ABCB5: variants seen among roughly 807,000 people sequenced by gnomAD.
ABCB5 encodes ATP binding cassette subfamily B member 5, also known as ATP-binding cassette sub-family B member 5.
ABCB5 carries 155 observed loss-of-function variants against 144.2 expected under a neutral mutation model. The observed-to-expected ratio is 1.08, with a 90% CI of 0.94 to 1.23. ABCB5 has a LOEUF of 1.23. Among genes scored for constraint, ABCB5 ranks in the 50% most tolerant of loss-of-function variants. The pLI is 0.00. For synonymous variants in ABCB5, 610 were observed against 528.6 expected (o/e 1.15, Z -2.11); for missense variants, 1,830 against 1,520.8 (o/e 1.20, Z -3.38).
At chr7:20,687,254 C>A (rs755033488) in intron 16 of ABCB5, among the ~76,000 whole-genome samples, 6 of 152,060 alleles carry the variant, frequency 3.9e-5, no homozygotes, top group Non-Finnish European at 7.4e-5. Context: ...TAAAAATTCA[C>A]CGTATTTATG....
chr7:20,647,785 T>C, intron 10 of ABCB5, 137 bp downstream of exon 10: 1 of 1,353,440 alleles, frequency 7.4e-7, no homozygotes. Flanking sequence ...AAAGAGAGAC[T>C]GCCTTTAATT....
At chr7:20,668,563 C>G (rs1230339990) in intron 14 of ABCB5, among the ~76,000 whole-genome samples, 5 of 150,308 alleles carry the variant, frequency 3.3e-5, no homozygotes, top group African/African-American at 1.2e-4. Context: ...CGTCTCCGCC[C>G]GGCAGCCACC....
chr7:20,752,600 A>G (rs147598372), intron 26 of ABCB5, among the ~76,000 whole-genome samples: 67 of 152,258 alleles, frequency 4.4e-4, no homozygotes, highest in African/African-American at 1.5e-3. Context: ...TGCAATCCCA[A>G]CACTTTGGGA....
intron 7 of ABCB5, among the ~76,000 whole-genome samples, chr7:20,644,449 C>A (rs908279157): frequency 2.0e-5 from 3 of 152,124 alleles, no homozygotes; most frequent in African/African-American, 7.2e-5. Flanking sequence ...TTATGTACTA[C>A]ACAAATATGT....
At chr7:20,646,663 T>C (rs538348441) in intron 9 of ABCB5, among the ~76,000 whole-genome samples, 14 of 152,350 alleles carry the variant, frequency 9.2e-5, no homozygotes, top group African/African-American at 1.7e-4. Context: ...ATGTGTTAAA[T>C]AATAATTTAT....
chr7:20,755,649 G>T lies in ABCB5; in HGVS notation c.*25G>T. The T allele has an allele frequency of 6.2e-7, 1 of 1,608,028 alleles. No individual in the cohort carries two copies. Among genetic ancestry groups the T allele is most frequent in the Non-Finnish European group, 8.5e-7 (1 of 1,175,438 alleles). Reference sequence around the variant, plus strand: ...ATGCTGTTGAGGTAGCACATATTTTGATGTTCGTGTAATGCAAAGAAGGAG... The same window carrying T: ...ATGCTGTTGAGGTAGCACATATTTTTATGTTCGTGTAATGCAAAGAAGGAG... On this transcript the variant is annotated 3_prime_UTR_variant, in exon 28 of 28. Transcript: ENST00000404938.
intron 20 of ABCB5, among the ~76,000 whole-genome samples, chr7:20,711,755 A>AGCCT (rs1456011518): frequency 7.6e-6 from 1 of 132,366 alleles, no homozygotes; most frequent in East Asian, 2.5e-4. Flanking sequence ...CACCCAGCCC[A>AGCCT]GCCTGCCTGC....
chr7:20,746,941 C>T (rs539252731), intron 26 of ABCB5, among the ~76,000 whole-genome samples: 1 of 152,062 alleles, frequency 6.6e-6, no homozygotes, highest in East Asian at 1.9e-4. Context: ...AATCTAGAGC[C>T]CTGTTCTTTG....
chr7:20,681,056 CTCTCTT>C (rs1225526890), intron 14 of ABCB5, among the ~76,000 whole-genome samples: 104 of 51,282 alleles, frequency 2.0e-3, no homozygotes, highest in Middle Eastern at 9.8e-3. Flanking sequence ...TTCTCTCTCT[CTCTCTT>C]TCTTTCTTTC....
Position 20,745,371 on chromosome 7 carries a change from C to A in ABCB5, c.3362C>A (p.Pro1121Gln). 6.2e-7 allele frequency: 1 copy of A among 1,614,104 alleles called. No homozygotes were observed. The highest frequency in any genetic ancestry group is 8.5e-7 in the Non-Finnish European group (1 of 1,180,016). Residue 1121 changes from proline to glutamine, a missense_variant, in exon 26 of 28, where the codon CCA (proline) becomes CAA (glutamine). Pro to Gln is a moderately conservative substitution (Grantham distance 76). Transcript: ENST00000404938. Reference protein sequence around the residue: ...IAYGDNSRVVPLDEIKEAANA... With the variant: ...IAYGDNSRVVQLDEIKEAANA... Reference sequence around the variant, plus strand: ...TATGGTGACAACAGCCGTGTGGTGCCATTAGATGAGATCAAAGAAGCCGCA... The same window carrying A: ...TATGGTGACAACAGCCGTGTGGTGCAATTAGATGAGATCAAAGAAGCCGCA...
intron 13 of ABCB5, among the ~76,000 whole-genome samples, chr7:20,656,360 T>G (rs184376564): frequency 6.6e-6 from 1 of 152,068 alleles, no homozygotes; most frequent in Non-Finnish European, 1.5e-5. Context: ...ATATTTATAA[T>G]ATACATGTCC....
At chr7:20,653,880 G>A (rs936498259) in intron 13 of ABCB5, among the ~76,000 whole-genome samples, 5 of 152,200 alleles carry the variant, frequency 3.3e-5, no homozygotes, top group African/African-American at 7.2e-5. Flanking sequence ...AAAGTGCAGC[G>A]CAGCTGGAAT....
At chr7:20,666,851 C>G (rs916686319) in intron 14 of ABCB5, 1 of 1,453,084 alleles carries the variant, frequency 6.9e-7, no homozygotes, top group Non-Finnish European at 9.1e-7. Context: ...CACTATCTCC[C>G]TAATCTTTAC....
chr7:20,683,626 T>A (rs1167390933), intron 15 of ABCB5, among the ~76,000 whole-genome samples: 2 of 152,266 alleles, frequency 1.3e-5, no homozygotes, highest in Admixed American at 6.5e-5. Flanking sequence ...TGTGTAAAAA[T>A]TTTAAACACC....
chr7:20,619,162 A>G (rs1783755408), intron 1 of ABCB5, among the ~76,000 whole-genome samples: 1 of 152,112 alleles, frequency 6.6e-6, no homozygotes, highest in South Asian at 2.1e-4. Flanking sequence ...GCTGTCATAA[A>G]CATAAGAGTG....
At chr7:20,699,804 T>C (rs1449437218) in intron 17 of ABCB5, 21 bp from the exon 18 acceptor site, 2 of 1,517,394 alleles carry the variant, frequency 1.3e-6, no homozygotes, top group African/African-American at 1.4e-5. Flanking sequence ...AAACACCTGA[T>C]AAAAATCTGT....
At chr7:20,712,006 G>A (rs1489743623) in intron 20 of ABCB5, among the ~76,000 whole-genome samples, 2 of 142,806 alleles carry the variant, frequency 1.4e-5, no homozygotes, top group Non-Finnish European at 3.1e-5. Context: ...TTGGGAGGCC[G>A]AGGCGGGTGG....
At chr7:20,663,336 A>G (rs1172858746) in intron 14 of ABCB5, among the ~76,000 whole-genome samples, 1 of 152,252 alleles carries the variant, frequency 6.6e-6, no homozygotes, top group East Asian at 1.9e-4. Context: ...AAAGGTGAAA[A>G]CAATCCAAAT....
intron 5 of ABCB5, among the ~76,000 whole-genome samples, chr7:20,639,325 T>A (rs76285172): frequency 0.11 from 16,272 of 152,238 alleles, 1,126 homozygotes; most frequent in Non-Finnish European, 0.15. Flanking sequence ...TCTTAGAGGT[T>A]TCTTTTGAAG....
Sources: allele counts gnomAD v4.1 joint callset (sites outside exome capture counted in the v4.1 genomes callset), GRCh38; gene constraint gnomAD v4.1.1; transcripts MANE v1.5; gene names NCBI Gene and HGNC (gene_info 2026-07-23, HGNC 2026-07-21).